DOCK2: variants seen among roughly 807,000 people sequenced by gnomAD.
DOCK2 encodes the protein dedicator of cytokinesis 2.
Under a neutral mutation model 248.9 loss-of-function variants are expected in DOCK2, and 87 were observed. The observed-to-expected ratio is 0.35, with a 90% confidence interval of 0.29 to 0.42. The LOEUF is 0.42. Ranked by LOEUF, DOCK2 falls within the 10% of genes least tolerant of loss-of-function variation. The pLI is 1.00. For synonymous variants in DOCK2, 805 were observed against 821.6 expected, an observed-to-expected ratio of 0.98 and a Z score of 0.35; for missense variants, 1,747 against 2,300.2, an observed-to-expected ratio of 0.76 and a Z score of 4.92.
chr5:170,044,724 G>A (rs916541682), intron 38 of DOCK2, among the ~76,000 whole-genome samples: 5 of 152,092 alleles, frequency 3.3e-5, no homozygotes, highest in African/African-American at 7.2e-5. Context: ...TTCTCCACTC[G>A]GCACTTGGTT....
chr5:170,050,275 G>A lies in DOCK2; in HGVS notation c.4091G>A (p.Arg1364His), dbSNP rs769663046. The A allele has an allele frequency of 5.0e-6, 8 of 1,613,982 alleles. No individual in the cohort carries two copies. Among genetic ancestry groups the A allele is most frequent in the African/African-American group, 1.3e-5 (1 of 74,912 alleles). ...CTGCAGAACAAAGTGTTCATCTACC[G>A]CGGGAAGGAATATGAGCGAAGAGAA... ...SFLRNKVFIY[R>H]GKEYERREDF... Residue 1364 changes from arginine to histidine, a missense_variant, in exon 41 of 52, where the codon CGC becomes CAC. By Grantham distance (29) the Arg-to-His change is conservative (BLOSUM62 0). This residue lies in a region of DOCK2 where 858 missense variants were observed against 1,183.5 expected (regional missense o/e 0.72). Transcript: ENST00000520908.
chr5:169,794,387 C>A (rs1471433633), intron 25 of DOCK2, among the ~76,000 whole-genome samples: 2 of 152,192 alleles, frequency 1.3e-5, no homozygotes, highest in African/African-American at 4.8e-5. Flanking sequence ...TCTGGAGTAT[C>A]TAACCTAAGA....
At chr5:169,791,773 C>A (rs577631349) in intron 25 of DOCK2, among the ~76,000 whole-genome samples, 4 of 152,248 alleles carry the variant, frequency 2.6e-5, no homozygotes, top group African/African-American at 7.2e-5. Context: ...ACAATGCAAT[C>A]CATTGAATAG....
intron 27 of DOCK2, among the ~76,000 whole-genome samples, chr5:169,842,869 G>A (rs1770071431): frequency 6.6e-6 from 1 of 152,154 alleles, no homozygotes; most frequent in South Asian, 2.1e-4. Context: ...AGTCCTATGA[G>A]CCTTTTGTTT....
At chr5:169,719,038 T>G (rs1338322281) in intron 22 of DOCK2, among the ~76,000 whole-genome samples, 1 of 152,234 alleles carries the variant, frequency 6.6e-6, no homozygotes, top group Non-Finnish European at 1.5e-5. Flanking sequence ...TTTGAGGCTC[T>G]TCTGTGTTTC....
chr5:169,740,874 C>T (rs578254324), intron 22 of DOCK2, among the ~76,000 whole-genome samples: 3 of 152,274 alleles, frequency 2.0e-5, no homozygotes, highest in Admixed American at 1.3e-4. Context: ...CTCATTGTGT[C>T]ACCTAGGCTG....
At position 169,700,016 on chromosome 5, in the gene DOCK2, C is replaced by T; in HGVS notation, c.1135C>T (p.Leu379Phe). 1.2e-6 allele frequency: 2 copies of T among 1,613,684 alleles called. No individual in the cohort carries two copies. The highest frequency in any genetic ancestry group is 1.7e-6 in the Non-Finnish European group (2 of 1,179,708). The change falls in exon 13 of 52, where the codon CTC (leucine) becomes TTC (phenylalanine). Residue 379 changes from leucine to phenylalanine, a missense_variant and splice_region_variant. Coordinates refer to ENST00000520908, the MANE Select transcript of DOCK2 (RefSeq NM_004946.3). The stretch of plus-strand genomic sequence containing the variant: ...CACGGTGAGCTGTTCCTTTGCAGGC[C>T]TCTGGGTGACCATGAAGATGCTGGT... ...ASKGDSGGQG[L>F]WVTMKMLVGD... is the part of the protein sequence containing the mutation.
intron 27 of DOCK2, among the ~76,000 whole-genome samples, chr5:169,975,113 G>A (rs1449913660): frequency 6.6e-6 from 1 of 152,194 alleles, no homozygotes; most frequent in African/African-American, 2.4e-5. Flanking sequence ...CACACCTGCT[G>A]AAGGAGGGCC....
chr5:169,856,568 G>A (rs1236710158), intron 27 of DOCK2, among the ~76,000 whole-genome samples: 1 of 152,152 alleles, frequency 6.6e-6, no homozygotes, highest in Non-Finnish European at 1.5e-5. Context: ...TGTTCCCTTT[G>A]ATCCCTGACT....
chr5:169,797,381 G>C (rs1270960676), intron 25 of DOCK2, among the ~76,000 whole-genome samples: 2 of 152,096 alleles, frequency 1.3e-5, no homozygotes, highest in Non-Finnish European at 2.9e-5. Flanking sequence ...TACTGGCAAG[G>C]AGCAGGTGAA....
intron 40 of DOCK2, among the ~76,000 whole-genome samples, chr5:170,049,850 G>T (rs544458414): frequency 6.6e-6 from 1 of 152,336 alleles, no homozygotes; most frequent in East Asian, 1.9e-4. Flanking sequence ...CAGAAGCCAG[G>T]TGATGAGGAT....
At chr5:170,054,828 A>G (rs752265974) in intron 41 of DOCK2, among the ~76,000 whole-genome samples, 2 of 152,190 alleles carry the variant, frequency 1.3e-5, no homozygotes, top group Non-Finnish European at 2.9e-5. Flanking sequence ...GCTTAGAGTT[A>G]GAAGACCTAA....
At chr5:169,881,488 C>T (rs1471756480) in intron 27 of DOCK2, 25 of 1,459,052 alleles carry the variant, frequency 1.7e-5, no homozygotes, top group East Asian at 1.2e-4. Flanking sequence ...GCAAAAGTCA[C>T]GTGGGCCACA....
chr5:169,675,681 A>T (rs1027584845), intron 6 of DOCK2, among the ~76,000 whole-genome samples: 2 of 152,180 alleles, frequency 1.3e-5, no homozygotes, highest in African/African-American at 4.8e-5. Context: ...AGCATGGCAT[A>T]CTCAAGGAAC....
At chr5:170,012,575 G>A (rs1425020788) in intron 32 of DOCK2, among the ~76,000 whole-genome samples, 4 of 152,074 alleles carry the variant, frequency 2.6e-5, no homozygotes, top group Non-Finnish European at 5.9e-5. Context: ...TAGACAAATT[G>A]TGTGTGTGTG....
chr5:169,695,530 A>G (rs1760566302), intron 9 of DOCK2, among the ~76,000 whole-genome samples: 1 of 152,050 alleles, frequency 6.6e-6, no homozygotes, highest in Non-Finnish European at 1.5e-5. Context: ...TTCCACCTCT[A>G]CCCTTCTCTT....
At chr5:169,747,844 C>A (rs1172562578) in intron 23 of DOCK2, among the ~76,000 whole-genome samples, 1 of 152,128 alleles carries the variant, frequency 6.6e-6, no homozygotes, top group African/African-American at 2.4e-5. Flanking sequence ...AGTCAGGGAC[C>A]CTTTTGGGAT....
chr5:169,853,132 AGTG>A (rs1169910354), intron 27 of DOCK2, among the ~76,000 whole-genome samples: 1 of 152,224 alleles, frequency 6.6e-6, no homozygotes, highest in African/African-American at 2.4e-5. Context: ...TCCCTGCACA[AGTG>A]CTCTTTTGTC....
At chr5:170,016,475 A>G (rs1755542638) in intron 32 of DOCK2, among the ~76,000 whole-genome samples, 1 of 152,202 alleles carries the variant, frequency 6.6e-6, no homozygotes, top group Admixed American at 6.5e-5. Flanking sequence ...TTTTATGTAA[A>G]TGAATAACAT....
Sources: gnomAD v4.1 joint callset for allele counts (sites outside exome capture counted in the v4.1 genomes callset) on GRCh38, gnomAD v4.1.1 for gene constraint, gnomAD v4.1.1 regional missense constraint, MANE v1.5 for transcripts, NCBI Gene and HGNC (gene_info 2026-07-23, HGNC 2026-07-21) for gene names.